Variants in TOP1 observed in about 807,000 individuals in gnomAD.
The protein encoded by TOP1 is DNA topoisomerase I.
Under a neutral mutation model 111.1 loss-of-function variants are expected in TOP1, and 10 were observed. The ratio of observed to expected loss-of-function variants is 0.09; its 90% CI spans 0.06 to 0.15. The LOEUF (loss-of-function observed/expected upper bound fraction) is 0.15. TOP1 is among the 10% of genes least tolerant of loss of function. The pLI, the probability that TOP1 is intolerant of heterozygous loss-of-function variation, is 1.00. For missense variants in TOP1, 474 were observed against 926.7 expected (o/e 0.51, Z 6.34); for synonymous variants, 271 against 302.9 (o/e 0.89, Z 1.10).
rs138895829 is a variant in TOP1, at chr20:41,072,870, C to T, written c.156-3301C>T. Reference sequence around the variant, plus strand: ...TCTGTATTCAGCTAGTATAAAAATGCAAATCTGCTCTTATGCCTAAACAGT... The same window carrying T: ...TCTGTATTCAGCTAGTATAAAAATGTAAATCTGCTCTTATGCCTAAACAGT... On this transcript the variant is annotated intron_variant, in intron 3 of 20. Transcript: ENST00000361337. The T allele has an allele frequency of 4.4e-4, 438 of 985,350 alleles. 3 individuals carry two copies. The African/African-American group carries it at 7.2e-3, about 16-fold the overall frequency. The allele number at this position is 985,350 out of a possible 1,614,324, so 61.0% of individuals were successfully genotyped here. A position where few individuals can be genotyped will look rare whatever the true frequency, so the allele number is the denominator to read the frequency against.
chr20:41,081,181 A>G lies in TOP1; in HGVS notation c.448A>G (p.Lys150Glu). 1 of 1,598,736 alleles carries G rather than the reference A, an allele frequency of 6.3e-7. No homozygotes were observed. Among genetic ancestry groups the G allele is most frequent in the Non-Finnish European group, 8.6e-7 (1 of 1,169,328 alleles). ...CCTTTCTAGTGCTGATTATAAACCTAAGAAAATTAAAACAGAAGATACCAA... is the reference window on the plus strand; with the variant it reads ...CCTTTCTAGTGCTGATTATAAACCTGAGAAAATTAAAACAGAAGATACCAA... ...RDEDDADYKP[K>E]KIKTEDTKKE... is the part of the protein sequence containing the mutation. Residue 150 changes from lysine to glutamate, a missense_variant, in exon 7 of 21, where the codon AAG (lysine) becomes GAG (glutamate). Physicochemically the swap from Lys to Glu is moderately conservative, Grantham distance 56 (BLOSUM62 1). Around this residue, in one of 14 missense-constraint regions of TOP1, gnomAD observed 185 missense variants for 226.3 expected, o/e 0.82. Coordinates refer to ENST00000361337, the MANE Select transcript of TOP1 (RefSeq NM_003286.4).
At chr20:41,048,318 C>T (rs573488530) in intron 2 of TOP1, among the ~76,000 whole-genome samples, 6 of 152,238 alleles carry the variant, frequency 3.9e-5, no homozygotes, top group African/African-American at 1.2e-4. Flanking sequence ...TTATAGTTAC[C>T]TGGAGAGCTT....
chr20:41,104,192 C>A (rs905282982), intron 13 of TOP1, among the ~76,000 whole-genome samples: 1 of 152,180 alleles, frequency 6.6e-6, no homozygotes, highest in South Asian at 2.1e-4. Flanking sequence ...AGTTTTAGGG[C>A]CTTTAAGTTT....
rs989439215 is a variant in TOP1 at position 41,098,421 on chromosome 20, A to G, written c.975+84A>G. On this transcript the variant is annotated intron_variant, in intron 11 of 20. Transcript: ENST00000361337. This position sits in a 1 kb window ranked among gnomAD's most constrained non-coding sequence, Gnocchi z 5.7. ...CTTTCTTCTTGGTTCTTATGACACAACATTAACATCAGTAATTTCACATCA... is the reference window on the plus strand; with the variant it reads ...CTTTCTTCTTGGTTCTTATGACACAGCATTAACATCAGTAATTTCACATCA... 5 of 1,387,938 alleles carry G rather than the reference A, an allele frequency of 3.6e-6. No individual in the cohort carries two copies. The highest frequency in any genetic ancestry group is 4.1e-5 in the Admixed American group (2 of 48,692). 86.0% of individuals were successfully genotyped at this position (1,387,938 alleles called of 1,614,324 possible). A position where few individuals can be genotyped will look rare whatever the true frequency, so the allele number is the denominator to read the frequency against.
chr20:41,057,907 GTGTT>G (rs2033493855), intron 2 of TOP1, among the ~76,000 whole-genome samples: 1 of 152,314 alleles, frequency 6.6e-6, no homozygotes, highest in Non-Finnish European at 1.5e-5. Flanking sequence ...TTAGCCATAA[GTGTT>G]TGGTTTGAGG....
In TOP1 at chr20:41,122,171, T is replaced by G; in HGVS notation, c.2195+16T>G. ...CAGTGGCTTGGTAAGTGTTGAGCCC[T>G]CCTTGAGCTCCTGCTGCTAGCTTAA... is the stretch of plus-strand genomic sequence containing the variant. On this transcript the variant is annotated intron_variant, in intron 20 of 20. Transcript: ENST00000361337. The surrounding 1 kb of genome is among the most constrained non-coding windows in gnomAD (Gnocchi z 5.4). The G allele has an allele frequency of 1.2e-6, 2 of 1,612,784 alleles. No homozygotes were observed. The highest frequency in any genetic ancestry group is 1.7e-6 in the Non-Finnish European group (2 of 1,179,316).
Position 41,061,635 on chromosome 20 carries a change from G to T in TOP1, c.155+145G>T. On this transcript the variant is annotated intron_variant, in intron 3 of 20. Coordinates refer to ENST00000361337, the MANE Select transcript of TOP1 (RefSeq NM_003286.4). The surrounding 1 kb of genome is among the most constrained non-coding windows in gnomAD (Gnocchi z 4.6). The stretch of plus-strand genomic sequence containing the variant: ...TATTTGATCCTAGAGTTGCTATGAG[G>T]ATGGCCATGATTTAGGCCTTAAATG... 1.4e-6 allele frequency: 1 copy of T among 692,146 alleles called. No individual in the cohort carries two copies. Among genetic ancestry groups the T allele is most frequent in the Non-Finnish European group, 2.4e-6 (1 of 416,616 alleles). 42.9% of individuals were successfully genotyped at this position (692,146 alleles called of 1,614,324 possible).
chr20:41,099,644 C>T (rs1385101729), intron 11 of TOP1, among the ~76,000 whole-genome samples: 3 of 152,152 alleles, frequency 2.0e-5, no homozygotes, highest in East Asian at 1.9e-4. Context: ...TAAAAACCCA[C>T]GTTTTTAAGC....
rs1010960148 is a variant in TOP1, at chr20:41,083,935, AT to A, written c.508-523del. ...AAATACCACCATAGGAATTGGTGTC[AT>A]TTTAGAACCTATCAAATACTTGCTT... On this transcript the variant is annotated intron_variant, in intron 7 of 20. Coordinates refer to ENST00000361337, the MANE Select transcript of TOP1 (RefSeq NM_003286.4). This position sits in a 1 kb window ranked among gnomAD's most constrained non-coding sequence, Gnocchi z 7.2. Among the ~76,000 whole-genome samples the A allele has an allele frequency of 6.6e-6, 1 of 152,174 alleles. No homozygotes were observed. Among genetic ancestry groups the A allele is most frequent in the Non-Finnish European group, 1.5e-5 (1 of 68,010 alleles).
chr20:41,051,486 A>G (rs1330817168), intron 2 of TOP1, among the ~76,000 whole-genome samples: 1 of 152,216 alleles, frequency 6.6e-6, no homozygotes, highest in African/African-American at 2.4e-5. Context: ...CCCTTAAGAA[A>G]GAGTAAATGT....
chr20:41,034,765 A>G lies in TOP1; in HGVS notation c.58+5310A>G, dbSNP rs1226855723. On this transcript the variant is annotated intron_variant, in intron 2 of 20. Coordinates refer to ENST00000361337, the MANE Select transcript of TOP1 (RefSeq NM_003286.4). This position sits in a 1 kb window ranked among gnomAD's most constrained non-coding sequence, Gnocchi z 4.0. The stretch of plus-strand genomic sequence containing the variant: ...ATAGATCGTAATATCAACTTTGGCT[A>G]TCTGTATCGAAGTTTGTATTAACTG... Among the ~76,000 whole-genome samples, 1 of 152,196 alleles carries G rather than the reference A, an allele frequency of 6.6e-6. No individual in the cohort carries two copies. Among genetic ancestry groups the G allele is most frequent in the Non-Finnish European group, 1.5e-5 (1 of 68,044 alleles).
intron 17 of TOP1, among the ~76,000 whole-genome samples, chr20:41,117,717 C>T (rs2034356430): frequency 1.3e-5 from 2 of 151,986 alleles, no homozygotes; most frequent in African/African-American, 4.8e-5. Flanking sequence ...CCCTTCAATT[C>T]CTCGTTCTGT....
intron 3 of TOP1, among the ~76,000 whole-genome samples, chr20:41,063,716 T>C (rs558034815): frequency 6.6e-6 from 1 of 152,208 alleles, no homozygotes; most frequent in Non-Finnish European, 1.5e-5. Flanking sequence ...TTCATACATT[T>C]GTTGGCCATT....
In TOP1 at chr20:41,058,741, ACAAACAATC is replaced by A. The variant is rs2033505569; in HGVS notation, c.59-2652_59-2644del. ...GCTATACCTCTTGAAAAGCGGAGTA[ACAAACAATC>A]TTATAGTCAAGATTGTGTTTGTGTA... On this transcript the variant is annotated intron_variant, in intron 2 of 20. Transcript: ENST00000361337. This position sits in a 1 kb window ranked among gnomAD's most constrained non-coding sequence, Gnocchi z 4.2. Among the ~76,000 whole-genome samples, 1 of 152,136 alleles carries A rather than the reference ACAAACAATC, an allele frequency of 6.6e-6. No individual in the cohort carries two copies. Among genetic ancestry groups the A allele is most frequent in the East Asian group, 1.9e-4 (1 of 5,194 alleles).
In TOP1 at chr20:41,111,170, G is replaced by T. The variant is rs571929838; in HGVS notation, c.1309-1612G>T. Among the ~76,000 whole-genome samples, 96 of 152,192 alleles carry T rather than the reference G, an allele frequency of 6.3e-4. 1 individual carries two copies. Among genetic ancestry groups the T allele is most frequent in the Non-Finnish European group, 5.4e-4 (37 of 68,040 alleles). The stretch of plus-strand genomic sequence containing the variant: ...ATGTGCACTAGAGTGAGGGGAAAGA[G>T]GCCACTCCAGAGTTGGGTACTCTAC... On this transcript the variant is annotated intron_variant, in intron 13 of 20. Transcript: ENST00000361337.
chr20:41,117,380 AT>A (rs1192075214), intron 17 of TOP1, among the ~76,000 whole-genome samples: 2,882 of 85,468 alleles, frequency 0.034, 74 homozygotes, highest in East Asian at 0.33. Flanking sequence ...CTGTGGCTTA[AT>A]TTTTTTTTTT....
chr20:41,036,247 C>T (rs1271404832), intron 2 of TOP1, among the ~76,000 whole-genome samples: 2 of 152,262 alleles, frequency 1.3e-5, no homozygotes, highest in Non-Finnish European at 2.9e-5. Flanking sequence ...ATGTCAGAAC[C>T]TGCCCTTGAT....
chr20:41,113,344 A>G (rs539874768), intron 14 of TOP1, among the ~76,000 whole-genome samples: 42 of 152,290 alleles, frequency 2.8e-4, no homozygotes, highest in African/African-American at 7.9e-4. Context: ...TTGATTGCCC[A>G]GAGTAGCAGC....
chr20:41,076,144 A>G, intron 3 of TOP1, 27 bp from the exon 4 acceptor site: 1 of 1,600,754 alleles, frequency 6.2e-7, no homozygotes, highest in Non-Finnish European at 8.5e-7. Flanking sequence ...ACTCTGGGCT[A>G]ACGCTTTGTG....
Sources: gnomAD v4.1 joint callset for allele counts (sites outside exome capture counted in the v4.1 genomes callset) on GRCh38, gnomAD v4.1.1 for gene constraint, gnomAD v4.1.1 regional missense constraint, Gnocchi (gnomAD v3.1) non-coding constraint, MANE v1.5 for transcripts, NCBI Gene and HGNC (gene_info 2026-07-23, HGNC 2026-07-21) for gene names.